Variants in AKAP7 observed in about 807,000 individuals in gnomAD.
The protein encoded by AKAP7 is A kinase (PRKA) anchor protein 7.
Under a neutral mutation model 39.5 loss-of-function variants are expected in AKAP7, and 39 were observed. That is an observed-to-expected ratio of 0.99 (90% confidence interval 0.76 to 1.29). The LOEUF is 1.29. AKAP7 is among the 50% of genes most tolerant of loss of function. The pLI is 0.00. For synonymous variants in AKAP7, 140 were observed against 139.1 expected, an observed-to-expected ratio of 1.01 and a Z score of -0.05; for missense variants, 414 against 407.7, an observed-to-expected ratio of 1.02 and a Z score of -0.13.
chr6:131,151,085 C>G (rs1297197518), intron 2 of AKAP7, among the ~76,000 whole-genome samples: 1 of 152,020 alleles, frequency 6.6e-6, no homozygotes. Context: ...TGCTGTCACC[C>G]AGGCTGGAGT....
At chr6:131,147,940 A>C (rs909551163) in intron 2 of AKAP7, among the ~76,000 whole-genome samples, 5 of 152,260 alleles carry the variant, frequency 3.3e-5, no homozygotes, top group Admixed American at 1.3e-4. Context: ...CCAGAATCCC[A>C]GAGAGCAAAT....
chr6:131,259,140 A>G (rs1310169167), intron 7 of AKAP7, among the ~76,000 whole-genome samples: 2 of 152,246 alleles, frequency 1.3e-5, no homozygotes, highest in African/African-American at 4.8e-5. Flanking sequence ...GATGTCTCAT[A>G]TCTGACTGTT....
intron 5 of AKAP7, among the ~76,000 whole-genome samples, chr6:131,186,266 G>T (rs562347449): frequency 2.0e-5 from 3 of 151,906 alleles, no homozygotes; most frequent in Admixed American, 2.0e-4. Flanking sequence ...TCTTATTCCT[G>T]CTCCCACCCT....
intron 7 of AKAP7, among the ~76,000 whole-genome samples, chr6:131,267,843 G>A (rs758415301): frequency 4.6e-5 from 7 of 152,126 alleles, no homozygotes; most frequent in South Asian, 2.1e-4. Flanking sequence ...CCTTGAGAGC[G>A]TTCATGATCT....
At chr6:131,231,835 C>A (rs1810650002) in intron 7 of AKAP7, among the ~76,000 whole-genome samples, 1 of 152,070 alleles carries the variant, frequency 6.6e-6, no homozygotes, top group South Asian at 2.1e-4. Flanking sequence ...TTTTTGCATC[C>A]TAAGTGTGCC....
chr6:131,166,988 C>T (rs902228757), intron 4 of AKAP7, among the ~76,000 whole-genome samples: 1 of 152,020 alleles, frequency 6.6e-6, no homozygotes, highest in Non-Finnish European at 1.5e-5. Flanking sequence ...TAGATGTCAC[C>T]TAAACTCGTT....
intron 1 of AKAP7, among the ~76,000 whole-genome samples, chr6:131,139,899 A>T (rs73633157): frequency 0.019 from 2,860 of 152,340 alleles, 100 homozygotes; most frequent in African/African-American, 0.065. Context: ...TAAGACAGAT[A>T]AACGGACATG....
At chr6:131,188,360 T>C (rs1051123911) in intron 5 of AKAP7, among the ~76,000 whole-genome samples, 2 of 152,238 alleles carry the variant, frequency 1.3e-5, no homozygotes, top group African/African-American at 4.8e-5. Flanking sequence ...TTATGGCTTT[T>C]ATTTCTTTAA....
At chr6:131,241,613 G>GTATACGTATATATA (rs1444377533) in intron 7 of AKAP7, among the ~76,000 whole-genome samples, 7 of 102,440 alleles carry the variant, frequency 6.8e-5, no homozygotes, top group African/African-American at 1.0e-4. Flanking sequence ...GTGTGTGTGT[G>GTATACGTATATATA]TGTGTGTGTG....
intron 2 of AKAP7, among the ~76,000 whole-genome samples, chr6:131,151,761 A>G (rs1051628610): frequency 2.3e-4 from 35 of 152,232 alleles, no homozygotes; most frequent in African/African-American, 6.3e-4. Context: ...AAAATATCCT[A>G]TGAAATATAG....
chr6:131,184,869 A>G, intron 5 of AKAP7: 2 of 1,326,020 alleles, frequency 1.5e-6, no homozygotes, highest in East Asian at 4.6e-5. Context: ...TGTCACAGGC[A>G]TAGGGCTTAT....
the AKAP7 span, among the ~76,000 whole-genome samples, chr6:131,128,140 C>A: frequency 2.0e-5 from 3 of 151,986 alleles, no homozygotes; most frequent in African/African-American, 7.3e-5. Context: ...ATATAAAAAC[C>A]TGCACATGTA....
chr6:131,216,862 A>G (rs1166194300), intron 6 of AKAP7, among the ~76,000 whole-genome samples: 1 of 152,210 alleles, frequency 6.6e-6, no homozygotes, highest in African/African-American at 2.4e-5. Flanking sequence ...GGACTAGACC[A>G]TCAACAATCA....
chr6:131,135,522 C>CGCCGCCGCTGCT lies in AKAP7; in HGVS notation c.-236_-225dup, dbSNP rs1219685632. The stretch of plus-strand genomic sequence containing the variant: ...CGGGTGCTGCGGCTGCTGCGGCTGC[C>CGCCGCCGCTGCT]GCCGCCGCTGCTGCCGCTGCCGCGG... On this transcript the variant is annotated 5_prime_UTR_variant, in exon 1 of 8. Transcript: ENST00000431975. 2.4e-4 allele frequency: 41 copies of CGCCGCCGCTGCT among 167,398 alleles called. No individual in the cohort carries two copies. The highest frequency in any genetic ancestry group is 4.6e-4 in the Admixed American group (7 of 15,150). The allele number at this position is 167,398 out of a possible 1,614,324, so 10.4% of individuals were successfully genotyped here.
chr6:131,233,105 AAC>A (rs1175015142), intron 7 of AKAP7, among the ~76,000 whole-genome samples: 2 of 151,890 alleles, frequency 1.3e-5, no homozygotes, highest in Admixed American at 1.3e-4. Context: ...TGACTGGAAA[AAC>A]AAAGTTGGCA....
intron 2 of AKAP7, among the ~76,000 whole-genome samples, chr6:131,149,677 C>G (rs902022203): frequency 2.6e-5 from 4 of 152,186 alleles, no homozygotes; most frequent in African/African-American, 9.7e-5. Context: ...ACAGTACAAC[C>G]TGTGCCACAC....
chr6:131,260,995 G>A (rs1046897198), intron 7 of AKAP7, among the ~76,000 whole-genome samples: 7 of 152,042 alleles, frequency 4.6e-5, no homozygotes, highest in Non-Finnish European at 8.8e-5. Flanking sequence ...TTGGGAGTTT[G>A]AGACCAGCCT....
intron 5 of AKAP7, among the ~76,000 whole-genome samples, chr6:131,193,474 A>G (rs1405347197): frequency 6.6e-6 from 1 of 151,586 alleles, no homozygotes; most frequent in Non-Finnish European, 1.5e-5. Context: ...GAATTCAGTG[A>G]TTTTTGCATC....
At chr6:131,230,486 A>T (rs1810539413) in intron 7 of AKAP7, among the ~76,000 whole-genome samples, 1 of 152,044 alleles carries the variant, frequency 6.6e-6, no homozygotes, top group Non-Finnish European at 1.5e-5. Context: ...AATTTCTGGA[A>T]ATTAGACCTT....
Sources: allele counts gnomAD v4.1 joint callset (sites outside exome capture counted in the v4.1 genomes callset), GRCh38; gene constraint gnomAD v4.1.1; transcripts MANE v1.5; gene names NCBI Gene and HGNC (gene_info 2026-07-23, HGNC 2026-07-21).